The following CHST9 variants were observed in gnomAD, a reference collection of about 807,000 sequenced individuals.
CHST9 encodes the protein carbohydrate sulfotransferase 9.
Under a neutral mutation model 44.4 loss-of-function variants are expected in CHST9, and 41 were observed. The observed-to-expected ratio is 0.92, with a 90% confidence interval of 0.72 to 1.20. The LOEUF is 1.20. Among genes scored for constraint, CHST9 ranks in the 50% most tolerant of loss-of-function variants. The pLI is 0.00. For missense variants in CHST9, 504 were observed against 516.5 expected (o/e 0.98, Z 0.23); for synonymous variants, 171 against 178.4 (o/e 0.96, Z 0.33).
intron 4 of CHST9, among the ~76,000 whole-genome samples, chr18:26,972,256 G>A (rs12955443): frequency 0.35 from 51,944 of 150,278 alleles, 9,585 homozygotes; most frequent in East Asian, 0.48. Context: ...ACTCGGGAGG[G>A]TGAGGCAAGA....
chr18:27,092,056 C>G (rs563428660), intron 2 of CHST9, among the ~76,000 whole-genome samples: 89 of 152,266 alleles, frequency 5.8e-4, no homozygotes, highest in Non-Finnish European at 1.0e-3. Flanking sequence ...TAGAATTCAG[C>G]TATGAATCTG....
intron 1 of CHST9, among the ~76,000 whole-genome samples, chr18:27,149,417 C>T (rs780742071): frequency 2.0e-5 from 3 of 152,048 alleles, no homozygotes; most frequent in Non-Finnish European, 2.9e-5. Context: ...TATAGACGTA[C>T]CACATTTTCT....
intron 2 of CHST9, among the ~76,000 whole-genome samples, chr18:27,049,236 G>A (rs546435432): frequency 3.3e-5 from 5 of 152,180 alleles, no homozygotes; most frequent in African/African-American, 1.2e-4. Context: ...ACCGGGGGGA[G>A]GCCGAAATAA....
intron 4 of CHST9, among the ~76,000 whole-genome samples, chr18:26,976,911 A>G (rs1007341793): frequency 3.3e-5 from 5 of 152,076 alleles, no homozygotes; most frequent in African/African-American, 1.2e-4. Context: ...GTGCTTATGT[A>G]TAGCTGCCTA....
At chr18:27,159,846 T>G (rs191262401) in intron 1 of CHST9, among the ~76,000 whole-genome samples, 1 of 152,218 alleles carries the variant, frequency 6.6e-6, no homozygotes, top group African/African-American at 2.4e-5. Context: ...GTTGGATTCC[T>G]AGGTATTTTA....
intron 2 of CHST9, among the ~76,000 whole-genome samples, chr18:27,141,355 ACT>A (rs1234753320): frequency 1.3e-5 from 2 of 151,716 alleles, no homozygotes; most frequent in Non-Finnish European, 2.9e-5. Flanking sequence ...ACTGAGCAAG[ACT>A]CTGTCTCAAA....
chr18:27,103,087 T>C (rs1175261598), intron 2 of CHST9, among the ~76,000 whole-genome samples: 2 of 152,184 alleles, frequency 1.3e-5, no homozygotes, highest in Admixed American at 6.5e-5. Flanking sequence ...AAATGGCCAC[T>C]TAAATGACAA....
At chr18:27,069,382 A>G (rs2057815355) in intron 2 of CHST9, among the ~76,000 whole-genome samples, 1 of 152,172 alleles carries the variant, frequency 6.6e-6, no homozygotes, top group Non-Finnish European at 1.5e-5. Flanking sequence ...TGGTTCAATA[A>G]GCCTGTGAGA....
intron 2 of CHST9, among the ~76,000 whole-genome samples, chr18:27,073,951 C>CAACT (rs2057871411): frequency 6.6e-6 from 1 of 152,042 alleles, no homozygotes; most frequent in Non-Finnish European, 1.5e-5. Flanking sequence ...TTGCACCCTA[C>CAACT]AACTCTATGA....
At chr18:27,028,695 C>T (rs1467939310) in intron 3 of CHST9, among the ~76,000 whole-genome samples, 1 of 152,046 alleles carries the variant, frequency 6.6e-6, no homozygotes. Flanking sequence ...CTACAGGCGC[C>T]CACCACCAGG....
At chr18:27,015,844 A>G (rs1192072492) in intron 4 of CHST9, among the ~76,000 whole-genome samples, 1 of 152,072 alleles carries the variant, frequency 6.6e-6, no homozygotes, top group Non-Finnish European at 1.5e-5. Flanking sequence ...TGTCTGTGAG[A>G]TTTGGGTCCC....
intron 2 of CHST9, among the ~76,000 whole-genome samples, chr18:27,104,232 C>T (rs1343028661): frequency 3.3e-5 from 5 of 149,764 alleles, no homozygotes; most frequent in Non-Finnish European, 7.4e-5. Flanking sequence ...TAAATTGCAA[C>T]AGATGGACTG....
intron 2 of CHST9, among the ~76,000 whole-genome samples, chr18:27,127,569 A>G (rs1426846967): frequency 6.6e-6 from 1 of 152,202 alleles, no homozygotes; most frequent in Non-Finnish European, 1.5e-5. Flanking sequence ...TTATTCAAAG[A>G]AGTTAAAGAG....
intron 1 of CHST9, among the ~76,000 whole-genome samples, chr18:27,155,514 T>G (rs2058692576): frequency 2.0e-5 from 3 of 152,198 alleles, no homozygotes; most frequent in Admixed American, 2.0e-4. Flanking sequence ...TAGAGAATAT[T>G]TGAACCTATC....
chr18:26,963,268 C>G (rs1352317275), intron 4 of CHST9, among the ~76,000 whole-genome samples: 3 of 152,126 alleles, frequency 2.0e-5, no homozygotes, highest in Admixed American at 6.5e-5. Context: ...ACATGAAGGA[C>G]TCACTCCTCT....
intron 2 of CHST9, among the ~76,000 whole-genome samples, chr18:27,131,842 C>T (rs531985195): frequency 3.9e-5 from 6 of 152,288 alleles, no homozygotes; most frequent in East Asian, 1.9e-4. Flanking sequence ...TTCCTTTCTG[C>T]GAATCCAAAT....
At chr18:26,928,089 C>T (rs148270137) in intron 5 of CHST9, among the ~76,000 whole-genome samples, 167 of 152,288 alleles carry the variant, frequency 1.1e-3, no homozygotes, top group African/African-American at 3.9e-3. Flanking sequence ...GCACTTGTTT[C>T]GGGGAGCACA....
At chr18:26,972,912 A>G (rs1429762036) in intron 4 of CHST9, among the ~76,000 whole-genome samples, 1 of 152,168 alleles carries the variant, frequency 6.6e-6, no homozygotes, top group Non-Finnish European at 1.5e-5. Context: ...ACGACCCAGA[A>G]GACGGCCGAG....
chr18:27,084,895 C>A (rs1457433311), intron 2 of CHST9, among the ~76,000 whole-genome samples: 1 of 151,990 alleles, frequency 6.6e-6, no homozygotes, highest in Non-Finnish European at 1.5e-5. Flanking sequence ...GCCTTAATTT[C>A]ATTTATTTAC....
Sources: gnomAD v4.1 joint callset for allele counts (sites outside exome capture counted in the v4.1 genomes callset) on GRCh38, gnomAD v4.1.1 for gene constraint, MANE v1.5 for transcripts, NCBI Gene and HGNC (gene_info 2026-07-23, HGNC 2026-07-21) for gene names.